BTBD9: variants seen among roughly 807,000 people sequenced by gnomAD.
BTBD9 encodes the protein BTB domain containing 9, also known as BTB/POZ domain-containing protein 9.
Under a neutral mutation model 64.3 loss-of-function variants are expected in BTBD9, and 49 were observed. That is an observed-to-expected ratio of 0.76 (90% confidence interval 0.61 to 0.97). The LOEUF is 0.97. Ranked by LOEUF, BTBD9 falls within the 50% of genes least tolerant of loss-of-function variation. The pLI, the probability that BTBD9 is intolerant of heterozygous loss-of-function variation, is 0.00. For missense variants in BTBD9, 598 were observed against 762.1 expected (o/e 0.78, Z 2.53); for synonymous variants, 260 against 274.7 (o/e 0.95, Z 0.53).
chr6:38,461,131 T>A (rs562436427), intron 6 of BTBD9, among the ~76,000 whole-genome samples: 2 of 152,370 alleles, frequency 1.3e-5, no homozygotes, highest in East Asian at 3.9e-4. Context: ...TCACATTCCC[T>A]TCTTAAGGAG....
At chr6:38,591,694 T>C (rs2127490063) in intron 4 of BTBD9, among the ~76,000 whole-genome samples, 2 of 152,276 alleles carry the variant, frequency 1.3e-5, no homozygotes, top group Non-Finnish European at 2.9e-5. Context: ...TCAATAACAG[T>C]ATATACCTCA....
At chr6:38,430,405 T>C (rs557775219) in intron 6 of BTBD9, among the ~76,000 whole-genome samples, 1 of 151,706 alleles carries the variant, frequency 6.6e-6, no homozygotes, top group African/African-American at 2.4e-5. Context: ...ATGGGTTTTG[T>C]TTAGAGACAG....
At chr6:38,274,192 G>T (rs1345553092) in intron 8 of BTBD9, among the ~76,000 whole-genome samples, 1 of 152,158 alleles carries the variant, frequency 6.6e-6, no homozygotes, top group Admixed American at 6.5e-5. Flanking sequence ...TCTGTTATTG[G>T]TGTATAAAAA....
chr6:38,599,323 T>C (rs1246033689), intron 1 of BTBD9, among the ~76,000 whole-genome samples: 1 of 152,216 alleles, frequency 6.6e-6, no homozygotes, highest in African/African-American at 2.4e-5. Context: ...TCTTGTTCTG[T>C]TGCCCAGGCT....
intron 9 of BTBD9, among the ~76,000 whole-genome samples, chr6:38,246,214 C>G (rs2127527939): frequency 6.6e-6 from 1 of 152,328 alleles, no homozygotes; most frequent in South Asian, 2.1e-4. Context: ...ATAATAAAAA[C>G]TTCCTGCAAT....
chr6:38,310,674 G>A (rs1362378091), intron 7 of BTBD9, among the ~76,000 whole-genome samples: 1 of 150,756 alleles, frequency 6.6e-6, no homozygotes, highest in Non-Finnish European at 1.5e-5. Flanking sequence ...TTTAATTTTT[G>A]CGGGTACATA....
chr6:38,505,868 G>A (rs745825387), intron 6 of BTBD9, among the ~76,000 whole-genome samples: 3 of 146,074 alleles, frequency 2.1e-5, no homozygotes, highest in East Asian at 4.1e-4. Flanking sequence ...AGGAGGCTGA[G>A]GCGGAAGAAT....
chr6:38,308,441 G>A (rs1762704735), intron 7 of BTBD9, among the ~76,000 whole-genome samples: 1 of 152,164 alleles, frequency 6.6e-6, no homozygotes, highest in African/African-American at 2.4e-5. Flanking sequence ...AACTGGTTTT[G>A]CAAGTTTTCA....
At chr6:38,591,847 T>C (rs1277952664) in intron 4 of BTBD9, among the ~76,000 whole-genome samples, 1 of 152,202 alleles carries the variant, frequency 6.6e-6, no homozygotes, top group African/African-American at 2.4e-5. Context: ...CTACCTTATG[T>C]ATGTATGTTA....
intron 6 of BTBD9, among the ~76,000 whole-genome samples, chr6:38,523,916 C>G (rs893960664): frequency 4.6e-5 from 7 of 152,142 alleles, no homozygotes; most frequent in African/African-American, 1.7e-4. Flanking sequence ...AAAGTCTGTG[C>G]TCTTAAACCA....
intron 7 of BTBD9, among the ~76,000 whole-genome samples, chr6:38,317,608 T>A (rs1763072712): frequency 6.6e-6 from 1 of 152,202 alleles, no homozygotes; most frequent in Non-Finnish European, 1.5e-5. Flanking sequence ...CTACCTCCTC[T>A]TTAAGGCCAA....
In BTBD9 at chr6:38,175,676, G is replaced by A. The variant is rs77574110; in HGVS notation, c.1642-494C>T. Reference sequence around the variant, plus strand: ...TCTCTGGGTATTCTGGTTTTCTCCCGCGTCCCAAAGCTGTGCACTTGAGGT... The same window carrying A: ...TCTCTGGGTATTCTGGTTTTCTCCCACGTCCCAAAGCTGTGCACTTGAGGT... On this transcript the variant is annotated intron_variant, in intron 10 of 10. Transcript: ENST00000481247. Among the ~76,000 whole-genome samples, 77 of 152,242 alleles carry A rather than the reference G, an allele frequency of 5.1e-4. No homozygotes were observed. The East Asian group carries it at 0.012, about 24-fold the overall frequency.
At chr6:38,288,089 C>T (rs1464946941) in intron 8 of BTBD9, among the ~76,000 whole-genome samples, 183 bp downstream of exon 8, 1 of 152,180 alleles carries the variant, frequency 6.6e-6, no homozygotes, top group Non-Finnish European at 1.5e-5. Flanking sequence ...AGTGGAAAAT[C>T]CAAACAAGCA....
intron 6 of BTBD9, among the ~76,000 whole-genome samples, chr6:38,406,441 A>G (rs1260415223): frequency 6.6e-6 from 1 of 152,154 alleles, no homozygotes; most frequent in African/African-American, 2.4e-5. Flanking sequence ...CATTCCATTA[A>G]ATTTCTTGTC....
intron 6 of BTBD9, among the ~76,000 whole-genome samples, chr6:38,441,201 C>T (rs958062256): frequency 2.0e-5 from 3 of 152,080 alleles, no homozygotes; most frequent in African/African-American, 7.2e-5. Flanking sequence ...GCCTGTGTCC[C>T]AAAAAGGGCC....
intron 8 of BTBD9, among the ~76,000 whole-genome samples, chr6:38,266,971 C>T (rs938882789): frequency 1.3e-5 from 2 of 152,206 alleles, no homozygotes; most frequent in African/African-American, 4.8e-5. Flanking sequence ...TTGGCATCAC[C>T]AATTCCCCTC....
intron 6 of BTBD9, among the ~76,000 whole-genome samples, chr6:38,376,603 C>T (rs574781438): frequency 6.6e-6 from 1 of 152,242 alleles, no homozygotes; most frequent in African/African-American, 2.4e-5. Context: ...GCTGTGTTAA[C>T]TTTCTGATAA....
chr6:38,323,191 T>C (rs888594526), intron 7 of BTBD9, among the ~76,000 whole-genome samples: 1 of 152,220 alleles, frequency 6.6e-6, no homozygotes, highest in East Asian at 1.9e-4. Flanking sequence ...CTTTGGGTCA[T>C]GAAATTACAC....
At chr6:38,202,657 C>G (rs1277915299) in intron 9 of BTBD9, among the ~76,000 whole-genome samples, 2 of 151,994 alleles carry the variant, frequency 1.3e-5, no homozygotes, top group Non-Finnish European at 2.9e-5. Flanking sequence ...AGAACTTACA[C>G]CAGGGAAAGG....
Sources: gnomAD v4.1 joint callset for allele counts (sites outside exome capture counted in the v4.1 genomes callset) on GRCh38, gnomAD v4.1.1 for gene constraint, MANE v1.5 for transcripts, NCBI Gene and HGNC (gene_info 2026-07-23, HGNC 2026-07-21) for gene names.